The following CEP112 variants were observed in gnomAD, a reference collection of about 807,000 sequenced individuals.
CEP112 encodes the protein centrosomal protein 112, also known as centrosomal protein of 112 kDa.
A neutral mutation model predicts 153.0 loss-of-function variants in CEP112; 127 were observed. The observed-to-expected ratio is 0.83, with a 90% CI of 0.72 to 0.96. The LOEUF (loss-of-function observed/expected upper bound fraction) is 0.96, where lower values mean the gene tolerates loss of function less well. Ranked by LOEUF, CEP112 falls within the 40% of genes least tolerant of loss-of-function variation. The pLI, the probability that CEP112 is intolerant of heterozygous loss-of-function variation, is 0.00. For synonymous variants in CEP112, 358 were observed against 374.4 expected (o/e 0.96, Z 0.51); for missense variants, 1,089 against 1,101.2 (o/e 0.99, Z 0.16).
rs186224592 is a variant in CEP112, at chr17:65,800,575, G to A, written c.2395-49851C>T. Among the ~76,000 whole-genome samples the A allele has an allele frequency of 5.3e-3, 804 of 152,186 alleles. 3 individuals carry two copies. Among genetic ancestry groups the A allele is most frequent in the Middle Eastern group, 0.02 (6 of 294 alleles). On this transcript the variant is annotated intron_variant, in intron 21 of 26. Coordinates refer to ENST00000535342, the MANE Select transcript of CEP112 (RefSeq NM_001199165.4). Reference sequence around the variant, plus strand: ...ATGAATCATGCTGCTTTGAACATCTGTGCACAAGTTTTAATGCAAACCTAC... The same window carrying A: ...ATGAATCATGCTGCTTTGAACATCTATGCACAAGTTTTAATGCAAACCTAC...
At chr17:65,977,946 G>T (rs2063096855) in intron 17 of CEP112, among the ~76,000 whole-genome samples, 1 of 151,962 alleles carries the variant, frequency 6.6e-6, no homozygotes, top group South Asian at 2.1e-4. Flanking sequence ...ATGGTGGCAG[G>T]CACCTGTAAT....
intron 21 of CEP112, among the ~76,000 whole-genome samples, chr17:65,844,313 T>G (rs1432919903): frequency 1.3e-5 from 2 of 152,192 alleles, no homozygotes; most frequent in Admixed American, 1.3e-4. Flanking sequence ...GATTTTAACC[T>G]AAAAAAATTG....
intron 21 of CEP112, among the ~76,000 whole-genome samples, chr17:65,789,163 A>C (rs959797354): frequency 2.0e-5 from 3 of 152,080 alleles, no homozygotes; most frequent in Non-Finnish European, 4.4e-5. Context: ...GTTCCTTCTC[A>C]TCTTAGTTAG....
At chr17:65,763,289 A>G (rs1256771946) in intron 21 of CEP112, among the ~76,000 whole-genome samples, 1 of 151,814 alleles carries the variant, frequency 6.6e-6, no homozygotes, top group Non-Finnish European at 1.5e-5. Context: ...GGTGTGTAGC[A>G]TGTTTTTTCT....
chr17:65,888,435 T>C (rs1387369877), intron 20 of CEP112, among the ~76,000 whole-genome samples: 2 of 152,112 alleles, frequency 1.3e-5, no homozygotes, highest in Non-Finnish European at 1.5e-5. Context: ...TACACAAAGG[T>C]GTTCAACAAA....
intron 17 of CEP112, among the ~76,000 whole-genome samples, chr17:65,995,638 G>T (rs1167432862): frequency 6.6e-6 from 1 of 152,086 alleles, no homozygotes; most frequent in South Asian, 2.1e-4. Context: ...ACAAGAAACA[G>T]CAACATCTAA....
At chr17:66,096,140 C>T in intron 8 of CEP112, 111 bp downstream of exon 8, 1 of 683,138 alleles carries the variant, frequency 1.5e-6, no homozygotes, top group Non-Finnish European at 2.4e-6. Flanking sequence ...GTTTCAAGTG[C>T]AACCTCTTCC....
intron 4 of CEP112, among the ~76,000 whole-genome samples, chr17:66,168,866 G>A (rs999838231): frequency 6.6e-6 from 1 of 151,986 alleles, no homozygotes; most frequent in Non-Finnish European, 1.5e-5. Context: ...TATATAAAAA[G>A]GCTCTCACCC....
chr17:65,925,317 C>T (rs2060886012), intron 19 of CEP112, among the ~76,000 whole-genome samples: 2 of 152,202 alleles, frequency 1.3e-5, no homozygotes, highest in Non-Finnish European at 2.9e-5. Context: ...CATTAAACCT[C>T]TTTCCTTTAT....
At chr17:66,000,123 C>G (rs1263627565) in intron 17 of CEP112, among the ~76,000 whole-genome samples, 1 of 151,988 alleles carries the variant, frequency 6.6e-6, no homozygotes, top group South Asian at 2.1e-4. Context: ...GGTACTTCTG[C>G]TTTTAGGTCT....
At chr17:65,761,687 A>C (rs185356892) in intron 21 of CEP112, among the ~76,000 whole-genome samples, 15 of 152,176 alleles carry the variant, frequency 9.9e-5, no homozygotes, top group Non-Finnish European at 4.4e-5. Flanking sequence ...ATAATCCCAA[A>C]GTATTTGGGG....
chr17:65,971,213 A>G (rs566653839), intron 17 of CEP112, among the ~76,000 whole-genome samples: 5 of 152,242 alleles, frequency 3.3e-5, no homozygotes, highest in Non-Finnish European at 5.9e-5. Flanking sequence ...ACGTATGTAT[A>G]TCACATGTAT....
chr17:66,152,611 A>G (rs1015668731), intron 4 of CEP112, among the ~76,000 whole-genome samples: 1 of 152,168 alleles, frequency 6.6e-6, no homozygotes, highest in African/African-American at 2.4e-5. Context: ...TGAAGATCGA[A>G]AAGATAAAAG....
chr17:66,066,302 T>G (rs1356858484), intron 10 of CEP112, among the ~76,000 whole-genome samples: 1 of 152,118 alleles, frequency 6.6e-6, no homozygotes, highest in Non-Finnish European at 1.5e-5. Flanking sequence ...CATTTTAATT[T>G]TTTTCTGTCA....
intron 19 of CEP112, among the ~76,000 whole-genome samples, chr17:65,920,381 A>G (rs1433753120): frequency 1.0e-5 from 1 of 96,292 alleles, no homozygotes; most frequent in African/African-American, 4.1e-5. Flanking sequence ...ATATATATAT[A>G]TATATATATA....
chr17:66,115,074 G>A (rs532558696), intron 6 of CEP112, among the ~76,000 whole-genome samples: 52 of 152,036 alleles, frequency 3.4e-4, no homozygotes, highest in African/African-American at 8.9e-4. Context: ...GCATGGTGGC[G>A]GACACCTGTA....
chr17:66,078,447 G>A (rs775614287), intron 8 of CEP112, among the ~76,000 whole-genome samples: 4 of 151,582 alleles, frequency 2.6e-5, no homozygotes, highest in East Asian at 1.9e-4. Flanking sequence ...TAGTAGAGAC[G>A]GGGTTTCATC....
chr17:66,118,111 A>T (rs923726974), intron 6 of CEP112, among the ~76,000 whole-genome samples: 1 of 152,198 alleles, frequency 6.6e-6, no homozygotes, highest in Non-Finnish European at 1.5e-5. Context: ...GTGGTTTCTT[A>T]AAAAATTAAA....
chr17:66,161,907 A>AC (rs2071728267), intron 4 of CEP112, among the ~76,000 whole-genome samples: 1 of 151,374 alleles, frequency 6.6e-6, no homozygotes, highest in South Asian at 2.1e-4. Context: ...TAAAAAAAAA[A>AC]CTTAAAGTAT....
Sources: gnomAD v4.1 joint callset for allele counts (sites outside exome capture counted in the v4.1 genomes callset) on GRCh38, gnomAD v4.1.1 for gene constraint, MANE v1.5 for transcripts, NCBI Gene and HGNC (gene_info 2026-07-23, HGNC 2026-07-21) for gene names.